SLCO1B1: variants seen among roughly 807,000 people sequenced by gnomAD.
SLCO1B1 encodes the protein OATP-2.
In SLCO1B1, 81 loss-of-function variants were observed where a neutral mutation model predicts 70.1. The ratio of observed to expected loss-of-function variants is 1.16; its 90% CI spans 0.97 to 1.39. The LOEUF (loss-of-function observed/expected upper bound fraction) is 1.39. Ranked by LOEUF, SLCO1B1 falls within the 40% of genes most tolerant of loss-of-function variation. The pLI is 0.00. For missense variants in SLCO1B1, 895 were observed against 799.6 expected (o/e 1.12, Z -1.44); for synonymous variants, 283 against 271.5 (o/e 1.04, Z -0.42).
intron 14 of SLCO1B1, among the ~76,000 whole-genome samples, chr12:21,236,121 G>C (rs890528508): frequency 1.3e-5 from 2 of 152,138 alleles, no homozygotes; most frequent in African/African-American, 4.8e-5. Flanking sequence ...GTACAGTGGA[G>C]AGAGTGGGAA....
At chr12:21,143,622 T>C (rs1329879002) in intron 2 of SLCO1B1, among the ~76,000 whole-genome samples, 1 of 152,050 alleles carries the variant, frequency 6.6e-6, no homozygotes, top group African/African-American at 2.4e-5. Flanking sequence ...AAATGTCTTC[T>C]CCTAGGTCTC....
chr12:21,138,485 G>A (rs1010658413), intron 1 of SLCO1B1, among the ~76,000 whole-genome samples: 1 of 152,220 alleles, frequency 6.6e-6, no homozygotes, highest in Non-Finnish European at 1.5e-5. Flanking sequence ...GTGGCATTTA[G>A]TCAAGCATAA....
chr12:21,150,933 G>A (rs367606529), intron 2 of SLCO1B1, among the ~76,000 whole-genome samples: 24 of 152,106 alleles, frequency 1.6e-4, no homozygotes, highest in Admixed American at 3.9e-4. Context: ...GATCATTTGC[G>A]TTAAAAGTGA....
Position 21,155,750 on chromosome 12 carries a change from A to C in SLCO1B1, c.84+14092A>C, listed in dbSNP as rs151118181. On this transcript the variant is annotated intron_variant, in intron 2 of 14. Transcript: ENST00000256958. ...CACGTCACTCTGCCCTTTGACAAAC[A>C]TTTCTTTATCCATGGCTCCCTCAGT... 3.7e-3 allele frequency among the ~76,000 whole-genome samples: 564 copies of C among 152,290 alleles called. 5 individuals are homozygous for C. Among genetic ancestry groups the C allele is most frequent in the African/African-American group, 0.013 (530 of 41,558 alleles).
chr12:21,170,871 T>C (rs539747524), intron 2 of SLCO1B1, among the ~76,000 whole-genome samples: 1 of 152,364 alleles, frequency 6.6e-6, no homozygotes, highest in Non-Finnish European at 1.5e-5. Context: ...AGAGTTTTGT[T>C]GGGCCTTTTA....
intron 14 of SLCO1B1, among the ~76,000 whole-genome samples, chr12:21,236,422 A>G (rs1343228473): frequency 6.6e-6 from 1 of 152,194 alleles, no homozygotes; most frequent in Non-Finnish European, 1.5e-5. Flanking sequence ...GTGGCATACC[A>G]TAGATGCACC....
At chr12:21,210,668 G>A (rs1294007302) in intron 11 of SLCO1B1, among the ~76,000 whole-genome samples, 6 of 149,400 alleles carry the variant, frequency 4.0e-5, no homozygotes, top group Non-Finnish European at 6.0e-5. Flanking sequence ...CCATTTTCAC[G>A]ATATTGATTC....
chr12:21,165,317 A>G (rs1200025191), intron 2 of SLCO1B1, among the ~76,000 whole-genome samples: 2 of 151,996 alleles, frequency 1.3e-5, no homozygotes, highest in Non-Finnish European at 2.9e-5. Context: ...ATAGCTGGAG[A>G]CGGTAGCTCA....
At chr12:21,171,688 T>C (rs1264751535) in intron 2 of SLCO1B1, among the ~76,000 whole-genome samples, 1 of 152,106 alleles carries the variant, frequency 6.6e-6, no homozygotes, top group Non-Finnish European at 1.5e-5. Context: ...AGAATAGACT[T>C]GGTGACTTAA....
intron 11 of SLCO1B1, among the ~76,000 whole-genome samples, chr12:21,211,388 G>C (rs1378849034): frequency 2.6e-5 from 4 of 152,208 alleles, no homozygotes; most frequent in Non-Finnish European, 5.9e-5. Context: ...TATTGAACCA[G>C]CCTTGCATCC....
chr12:21,196,400 G>A (rs1002750591), intron 7 of SLCO1B1, among the ~76,000 whole-genome samples: 2 of 152,058 alleles, frequency 1.3e-5, no homozygotes, highest in African/African-American at 4.8e-5. Context: ...AACTTTTAGA[G>A]TCTAACTCTT....
intron 2 of SLCO1B1, among the ~76,000 whole-genome samples, chr12:21,153,087 A>G (rs1351149440): frequency 1.3e-5 from 2 of 152,096 alleles, no homozygotes; most frequent in Non-Finnish European, 1.5e-5. Context: ...ACACTTTGTA[A>G]TCACCTATTT....
chr12:21,206,079 T>C, intron 11 of SLCO1B1, 46 bp downstream of exon 11: 2 of 1,505,690 alleles, frequency 1.3e-6, no homozygotes, highest in Non-Finnish European at 9.2e-7. Flanking sequence ...AAAGCACAGA[T>C]TAGATTGAAC....
chr12:21,151,776 A>T (rs1212773423), intron 2 of SLCO1B1, among the ~76,000 whole-genome samples: 1 of 152,014 alleles, frequency 6.6e-6, no homozygotes, highest in Admixed American at 6.6e-5. Flanking sequence ...TACACAGGGT[A>T]TGGGGAAGGT....
At chr12:21,193,185 G>A (rs532316700) in intron 7 of SLCO1B1, among the ~76,000 whole-genome samples, 1 of 152,190 alleles carries the variant, frequency 6.6e-6, no homozygotes, top group African/African-American at 2.4e-5. Flanking sequence ...ATTGAGTGAA[G>A]TATTCTCTAT....
chr12:21,194,904 C>T lies in SLCO1B1; in HGVS notation c.728-2042C>T, dbSNP rs762289197. Among the ~76,000 whole-genome samples the T allele has an allele frequency of 3.7e-4, 56 of 152,176 alleles. 1 individual carries two copies. The highest frequency in any genetic ancestry group is 6.5e-4 in the Non-Finnish European group (44 of 68,022). On this transcript the variant is annotated intron_variant, in intron 7 of 14. Coordinates refer to ENST00000256958, the MANE Select transcript of SLCO1B1 (RefSeq NM_006446.5). ...CTTTTACTCCTGGCAGAAGTTAAAG[C>T]AGGAGCAGGCACATCACATGTTGAG... is the stretch of plus-strand genomic sequence containing the variant.
intron 14 of SLCO1B1, among the ~76,000 whole-genome samples, chr12:21,225,673 C>T (rs2121195020): frequency 6.6e-6 from 1 of 152,204 alleles, no homozygotes; most frequent in Non-Finnish European, 1.5e-5. Context: ...CAACTTGTAA[C>T]ACAGACACAG....
chr12:21,156,234 T>TA (rs1940540975), intron 2 of SLCO1B1, among the ~76,000 whole-genome samples: 1 of 152,052 alleles, frequency 6.6e-6, no homozygotes, highest in Admixed American at 6.6e-5. Flanking sequence ...GGTAAATGAT[T>TA]AAAAAATTAT....
chr12:21,210,144 T>G (rs1255809469), intron 11 of SLCO1B1, among the ~76,000 whole-genome samples: 4 of 146,958 alleles, frequency 2.7e-5, no homozygotes, highest in Admixed American at 6.8e-5. Flanking sequence ...CATGCCTATG[T>G]CCTGAATGGT....
Sources: gnomAD v4.1 joint callset for allele counts (sites outside exome capture counted in the v4.1 genomes callset) on GRCh38, gnomAD v4.1.1 for gene constraint, MANE v1.5 for transcripts, NCBI Gene and HGNC (gene_info 2026-07-23, HGNC 2026-07-21) for gene names.